The following CLIC2 variants were observed in gnomAD, a reference collection of about 807,000 sequenced individuals.
CLIC2 encodes CLIC family member 2.
CLIC2 carries 9 observed loss-of-function variants against 14.8 expected under a neutral mutation model. The ratio of observed to expected loss-of-function variants is 0.61; its 90% CI spans 0.37 to 1.06. The LOEUF is 1.06. CLIC2 is among the 50% of genes least tolerant of loss of function. CLIC2 has a pLI of 0.01. For missense variants in CLIC2, 148 were observed against 181.4 expected, an observed-to-expected ratio of 0.82 and a Z score of 1.06; for synonymous variants, 61 against 66.3, an observed-to-expected ratio of 0.92 and a Z score of 0.39.
rs782501360 is a variant in CLIC2, at chrX:155,317,386, T to G, written c.57+16985A>C. ...ATGAAATGAGAGATATTACTACTGATACGACAGAAATACAAAAAAATTATT... is the reference window on the plus strand; with the variant it reads ...ATGAAATGAGAGATATTACTACTGAGACGACAGAAATACAAAAAAATTATT... On this transcript the variant is annotated intron_variant, in intron 1 of 5. Transcript: ENST00000369449. 2.4e-4 allele frequency among the ~76,000 whole-genome samples: 27 copies of G among 111,803 alleles called. 1 individual carries two copies. In the South Asian group the frequency reaches 9.6e-3, roughly 40 times the overall value.
chrX:155,291,088 G>T, intron 3 of CLIC2: 1 of 913,993 alleles, frequency 1.1e-6, no homozygotes, highest in Non-Finnish European at 1.6e-6. Flanking sequence ...AACCTTTTTT[G>T]ACGGACATGA....
chrX:155,305,361 C>G (rs1166056431), intron 1 of CLIC2, among the ~76,000 whole-genome samples: 1 of 112,537 alleles, frequency 8.9e-6, no homozygotes, highest in African/African-American at 3.2e-5. Context: ...TCACCCCTTT[C>G]TTTGACTCAG....
chrX:155,317,595 A>G (rs1014132387), intron 1 of CLIC2, among the ~76,000 whole-genome samples: 74 of 111,951 alleles, frequency 6.6e-4, no homozygotes, highest in African/African-American at 2.3e-3. Flanking sequence ...ACAAAAGTCC[A>G]GGACCAGACA....
chrX:155,284,599 T>C (rs1412274879), intron 3 of CLIC2, among the ~76,000 whole-genome samples: 1 of 111,704 alleles, frequency 9.0e-6, no homozygotes, highest in Non-Finnish European at 1.9e-5. Flanking sequence ...TTTTCCCAGA[T>C]GTTATTCCTT....
intron 3 of CLIC2, among the ~76,000 whole-genome samples, chrX:155,291,952 C>T (rs1602934520): frequency 8.9e-6 from 1 of 112,089 alleles, no homozygotes; most frequent in East Asian, 2.8e-4. Flanking sequence ...CGCGGCCATG[C>T]GACAGCGACC....
At chrX:155,313,384 A>G (rs782604204) in intron 1 of CLIC2, among the ~76,000 whole-genome samples, 25 of 111,520 alleles carry the variant, frequency 2.2e-4, no homozygotes, top group African/African-American at 7.2e-4. Flanking sequence ...CCAAAGAGAT[A>G]TAAATTATTT....
At chrX:155,330,649 T>C (rs2075153717) in intron 1 of CLIC2, among the ~76,000 whole-genome samples, 1 of 110,731 alleles carries the variant, frequency 9.0e-6, no homozygotes. Context: ...CCTATGAAAA[T>C]AGAGAAGTTC....
At chrX:155,332,878 G>A (rs1557322965) in intron 1 of CLIC2, among the ~76,000 whole-genome samples, 3 of 112,212 alleles carry the variant, frequency 2.7e-5, no homozygotes, top group African/African-American at 9.7e-5. Flanking sequence ...CAGACAAAGG[G>A]AACACTTTAG....
chrX:155,318,292 T>A lies in CLIC2; in HGVS notation c.57+16079A>T, dbSNP rs1331481863. On this transcript the variant is annotated intron_variant, in intron 1 of 5. Coordinates refer to ENST00000369449, the MANE Select transcript of CLIC2 (RefSeq NM_001289.6). The stretch of plus-strand genomic sequence containing the variant: ...TTCCTGTTTGCTGATGATATGTTTG[T>A]ATACCTAGAAAACTCTAAAGACTCA... Among the ~76,000 whole-genome samples the A allele has an allele frequency of 2.7e-5, 3 of 111,855 alleles. No homozygotes were observed. In the Admixed American group the frequency reaches 2.9e-4, roughly 11 times the overall value.
Position 155,306,186 on chromosome X carries a change from G to C in CLIC2, c.58-7041C>G, listed in dbSNP as rs182575779. Among the ~76,000 whole-genome samples, 143 of 112,006 alleles carry C rather than the reference G, an allele frequency of 1.3e-3. 1 individual carries two copies. Among genetic ancestry groups the C allele is most frequent in the African/African-American group, 4.3e-3 (133 of 30,846 alleles). On this transcript the variant is annotated intron_variant, in intron 1 of 5. Transcript: ENST00000369449. ...TTGGAGGTGGGGCCTGGTAGGAGGTGATTGGATCCTGGGGGCGGATCCCTC... is the reference window on the plus strand; with the variant it reads ...TTGGAGGTGGGGCCTGGTAGGAGGTCATTGGATCCTGGGGGCGGATCCCTC...
At chrX:155,290,823 C>G (rs782278691) in intron 3 of CLIC2, 2 of 631,978 alleles carry the variant, frequency 3.2e-6, no homozygotes, top group Non-Finnish European at 5.4e-6. Flanking sequence ...GCCTGAAAAG[C>G]TTCTCGAGAA....
At position 155,299,238 on chromosome X, in the gene CLIC2, A is replaced by T. The variant is rs5983864; in HGVS notation, c.58-93T>A. The T allele has an allele frequency of 3.9e-4, 252 of 649,038 alleles. No individual in the cohort carries two copies. The African/African-American group carries it at 4.9e-3, about 13-fold the overall frequency. 53.5% of individuals were successfully genotyped at this position (649,038 alleles called of 1,213,427 possible). ...GAAATGAGCCAGTTGCTAGAGACAA[A>T]CATGGACATTCTTAATCTCATGTAC... is the stretch of plus-strand genomic sequence containing the variant. On this transcript the variant is annotated intron_variant, in intron 1 of 5. Transcript: ENST00000369449.
chrX:155,305,123 G>C (rs1211327454), intron 1 of CLIC2, among the ~76,000 whole-genome samples: 1,420 of 112,087 alleles, frequency 0.013, 19 homozygotes, highest in African/African-American at 0.028. Context: ...TCGAGCTTCT[G>C]GGCTGCTTTG....
intron 1 of CLIC2, among the ~76,000 whole-genome samples, chrX:155,324,718 A>C (rs2075129802): frequency 8.9e-6 from 1 of 111,849 alleles, no homozygotes; most frequent in East Asian, 2.8e-4. Flanking sequence ...AGACTTCATG[A>C]CTAAAACAAC....
At chrX:155,290,660 A>C in intron 3 of CLIC2, 1 of 981,509 alleles carries the variant, frequency 1.0e-6, no homozygotes, top group African/African-American at 1.9e-5. Context: ...GGGAATGTTT[A>C]TACAGAAAGA....
At chrX:155,319,629 G>A (rs929104447) in intron 1 of CLIC2, among the ~76,000 whole-genome samples, 2 of 111,708 alleles carry the variant, frequency 1.8e-5, no homozygotes, top group Admixed American at 1.9e-4. Context: ...AAAACTGGGC[G>A]GCCATTTGGG....
chrX:155,290,871 C>T (rs2074961940), intron 3 of CLIC2: 6 of 655,837 alleles, frequency 9.1e-6, no homozygotes, highest in South Asian at 2.2e-5. Context: ...TGATGCTTAG[C>T]GTCCACACCC....
chrX:155,305,626 G>A (rs2075052718), intron 1 of CLIC2, among the ~76,000 whole-genome samples: 1 of 112,592 alleles, frequency 8.9e-6, no homozygotes, highest in Non-Finnish European at 1.9e-5. Flanking sequence ...TCTGAAAGGT[G>A]CCTTTCCATA....
intron 3 of CLIC2, 109 bp from the exon 4 acceptor site, chrX:155,280,177 A>G (rs1333055633): frequency 1.9e-6 from 1 of 538,574 alleles, no homozygotes; most frequent in Non-Finnish European, 3.3e-6. Context: ...TGTGCTGGAA[A>G]CTAAACACCC....
Sources: gnomAD v4.1 joint callset for allele counts (sites outside exome capture counted in the v4.1 genomes callset) on GRCh38, gnomAD v4.1.1 for gene constraint, MANE v1.5 for transcripts, NCBI Gene and HGNC (gene_info 2026-07-23, HGNC 2026-07-21) for gene names.